CFAP299: variants seen among roughly 807,000 people sequenced by gnomAD.
CFAP299 encodes cilia and flagella associated protein 299.
A neutral mutation model predicts 27.0 loss-of-function variants in CFAP299; 21 were observed. The observed-to-expected ratio is 0.78, with a 90% CI of 0.55 to 1.12. The LOEUF (loss-of-function observed/expected upper bound fraction) is 1.12, where lower values mean the gene tolerates loss of function less well. Ranked by LOEUF, CFAP299 falls within the 50% of genes most tolerant of loss-of-function variation. The pLI is 0.00. For synonymous variants in CFAP299, 104 were observed against 98.1 expected, an observed-to-expected ratio of 1.06 and a Z score of -0.36; for missense variants, 310 against 276.6, an observed-to-expected ratio of 1.12 and a Z score of -0.86.
intron 2 of CFAP299, among the ~76,000 whole-genome samples, chr4:80,478,423 CTT>C (rs1316667529): frequency 1.3e-5 from 2 of 151,912 alleles, no homozygotes; most frequent in African/African-American, 4.8e-5. Flanking sequence ...TTTAAAAATT[CTT>C]TTTTGTTTTG....
chr4:80,901,823 A>C (rs1241818094), intron 4 of CFAP299, among the ~76,000 whole-genome samples: 2 of 151,954 alleles, frequency 1.3e-5, no homozygotes, highest in Admixed American at 1.3e-4. Flanking sequence ...TCCAAACAGA[A>C]CTCTAAATTA....
intron 3 of CFAP299, among the ~76,000 whole-genome samples, chr4:80,793,099 ATGTGTGTGTGTG>A (rs149555055): frequency 6.9e-6 from 1 of 145,150 alleles, no homozygotes; most frequent in South Asian, 2.2e-4. Flanking sequence ...CCTATTAGTT[ATGTGTGTGTGTG>A]TGTGTGTGTG....
intron 4 of CFAP299, among the ~76,000 whole-genome samples, chr4:80,934,097 A>C (rs1736766207): frequency 6.6e-6 from 1 of 152,024 alleles, no homozygotes; most frequent in Non-Finnish European, 1.5e-5. Context: ...GTTGAAGTGC[A>C]TTCCTTCTGT....
At chr4:80,850,629 G>A (rs1029811902) in intron 3 of CFAP299, among the ~76,000 whole-genome samples, 2 of 151,988 alleles carry the variant, frequency 1.3e-5, no homozygotes, top group Admixed American at 6.6e-5. Flanking sequence ...ATAATAGTTT[G>A]GTAGGACATC....
At chr4:80,585,448 T>A (rs1055196913) in intron 3 of CFAP299, among the ~76,000 whole-genome samples, 1 of 152,166 alleles carries the variant, frequency 6.6e-6, no homozygotes, top group Non-Finnish European at 1.5e-5. Flanking sequence ...ACTAAGTTAT[T>A]TTTTTCCTTT....
At chr4:80,621,190 C>A (rs933381793) in intron 3 of CFAP299, among the ~76,000 whole-genome samples, 13 of 152,014 alleles carry the variant, frequency 8.6e-5, no homozygotes, top group Non-Finnish European at 1.5e-5. Flanking sequence ...GGGCTACATT[C>A]AACTTTAAGA....
intron 4 of CFAP299, among the ~76,000 whole-genome samples, chr4:80,920,834 A>G (rs1276713938): frequency 1.3e-5 from 2 of 152,084 alleles, no homozygotes; most frequent in African/African-American, 2.4e-5. Context: ...ATTCTGGACT[A>G]TGTCTTATTT....
chr4:80,349,425 A>G (rs1368743065), intron 1 of CFAP299, among the ~76,000 whole-genome samples: 1 of 152,212 alleles, frequency 6.6e-6, no homozygotes, highest in Non-Finnish European at 1.5e-5. Flanking sequence ...TGACTTGTAT[A>G]AATAAAAATT....
chr4:80,906,088 TTCCTAGATACAA>T (rs1215319389), intron 4 of CFAP299, among the ~76,000 whole-genome samples: 4 of 152,202 alleles, frequency 2.6e-5, no homozygotes, highest in African/African-American at 9.7e-5. Flanking sequence ...AGTTAGTTAC[TTCCTAGATACAA>T]TGGGGGTACA....
intron 3 of CFAP299, among the ~76,000 whole-genome samples, chr4:80,792,936 G>A (rs1727652704): frequency 1.3e-5 from 2 of 151,944 alleles, no homozygotes; most frequent in Admixed American, 1.3e-4. Flanking sequence ...TTTATATTCT[G>A]ACTATGTAAT....
chr4:80,805,733 G>A (rs149647258), intron 3 of CFAP299, among the ~76,000 whole-genome samples: 1 of 152,044 alleles, frequency 6.6e-6, no homozygotes, highest in Non-Finnish European at 1.5e-5. Context: ...AAATAACTGG[G>A]CTTGGTGGTA....
At chr4:80,613,405 G>A (rs114260185) in intron 3 of CFAP299, among the ~76,000 whole-genome samples, 1,793 of 152,132 alleles carry the variant, frequency 0.012, 39 homozygotes, top group African/African-American at 0.039. Context: ...GATGTAGTAC[G>A]TATGTTAATT....
intron 2 of CFAP299, among the ~76,000 whole-genome samples, chr4:80,450,910 T>A (rs866063568): frequency 7.5e-4 from 111 of 147,656 alleles, no homozygotes; most frequent in African/African-American, 1.6e-3. Flanking sequence ...TGTGTGTGTG[T>A]GAGAGAGAGA....
Position 80,889,726 on chromosome 4 carries a change from C to G in CFAP299, c.476+19591C>G, listed in dbSNP as rs78226870. 8.0e-3 allele frequency among the ~76,000 whole-genome samples: 1,219 copies of G among 152,116 alleles called. 5 individuals are homozygous for G. Among genetic ancestry groups the G allele is most frequent in the Middle Eastern group, 0.017 (5 of 294 alleles). ...TGAATATAAATACAAAAATTCTCAA[C>G]AAAATACTCGCAAACCAAATTCAAA... On this transcript the variant is annotated intron_variant, in intron 4 of 5. Coordinates refer to ENST00000358105, the MANE Select transcript of CFAP299 (RefSeq NM_152770.3).
At chr4:80,696,026 G>A (rs913976928) in intron 3 of CFAP299, among the ~76,000 whole-genome samples, 1 of 152,084 alleles carries the variant, frequency 6.6e-6, no homozygotes, top group African/African-American at 2.4e-5. Flanking sequence ...TAGAGGCCGG[G>A]TGTGGTGGCT....
chr4:80,474,460 T>C (rs922507037), intron 2 of CFAP299, among the ~76,000 whole-genome samples: 1 of 152,222 alleles, frequency 6.6e-6, no homozygotes, highest in African/African-American at 2.4e-5. Flanking sequence ...TTTGAAACTT[T>C]TAAAATGTCC....
At chr4:80,823,926 ATTTTTT>A (rs964369272) in intron 3 of CFAP299, among the ~76,000 whole-genome samples, 3 of 152,146 alleles carry the variant, frequency 2.0e-5, no homozygotes, top group Non-Finnish European at 4.4e-5. Flanking sequence ...GTTTGCTATA[ATTTTTT>A]TAATGTTTCA....
chr4:80,429,999 A>G (rs903908672), intron 2 of CFAP299, among the ~76,000 whole-genome samples: 6 of 152,080 alleles, frequency 3.9e-5, no homozygotes, highest in South Asian at 2.1e-4. Flanking sequence ...TGAATTTCCA[A>G]TTGGTGCTAT....
intron 3 of CFAP299, among the ~76,000 whole-genome samples, chr4:80,857,906 A>T (rs931923389): frequency 7.2e-5 from 11 of 152,212 alleles, no homozygotes; most frequent in Admixed American, 7.2e-4. Context: ...TGGTATCAGG[A>T]TGATGCTGGC....
Sources: allele counts gnomAD v4.1 joint callset (sites outside exome capture counted in the v4.1 genomes callset), GRCh38; gene constraint gnomAD v4.1.1; transcripts MANE v1.5; gene names NCBI Gene and HGNC (gene_info 2026-07-23, HGNC 2026-07-21).